The following DCDC2C variants were observed in gnomAD, a reference collection of about 807,000 sequenced individuals.
The protein encoded by DCDC2C is doublecortin domain-containing protein 2C.
DCDC2C carries 44 observed loss-of-function variants against 45.0 expected under a neutral mutation model. The observed-to-expected ratio is 0.98, with a 90% confidence interval of 0.77 to 1.26. The LOEUF (loss-of-function observed/expected upper bound fraction) is 1.26. DCDC2C is among the 50% of genes most tolerant of loss of function. The probability of loss-of-function intolerance (pLI) is 0.00; values close to 1 mark genes in which losing one functional copy is unlikely to be tolerated. For synonymous variants in DCDC2C, 187 were observed against 178.8 expected (o/e 1.05, Z -0.37); for missense variants, 447 against 468.9 (o/e 0.95, Z 0.43).
At chr2:3,723,118 G>A (rs1668541951) in intron 2 of DCDC2C, among the ~76,000 whole-genome samples, 1 of 152,132 alleles carries the variant, frequency 6.6e-6, no homozygotes, top group Non-Finnish European at 1.5e-5. Flanking sequence ...CCTAGTCATG[G>A]TAGCATTCAC....
chr2:3,835,330 G>A (rs1672048619), intron 10 of DCDC2C, among the ~76,000 whole-genome samples: 1 of 152,204 alleles, frequency 6.6e-6, no homozygotes, highest in Non-Finnish European at 1.5e-5. Context: ...TTGCTAAGGA[G>A]ATTTGAGGTG....
chr2:3,825,438 A>C (rs1671790467), intron 10 of DCDC2C, among the ~76,000 whole-genome samples: 1 of 152,120 alleles, frequency 6.6e-6, no homozygotes, highest in Non-Finnish European at 1.5e-5. Context: ...TGGGTTCAAG[A>C]GGGTTATAAT....
chr2:3,811,879 T>C (rs1302910026), intron 10 of DCDC2C, among the ~76,000 whole-genome samples: 1 of 152,226 alleles, frequency 6.6e-6, no homozygotes, highest in Non-Finnish European at 1.5e-5. Flanking sequence ...CGATGGATTA[T>C]GTTTATCCAT....
chr2:3,846,428 T>A (rs1231910262), intron 10 of DCDC2C, among the ~76,000 whole-genome samples: 4 of 152,084 alleles, frequency 2.6e-5, no homozygotes. Context: ...CTACTTTTCT[T>A]TTTTTTGGAG....
intron 3 of DCDC2C, among the ~76,000 whole-genome samples, chr2:3,740,531 A>T (rs925112911): frequency 6.6e-6 from 1 of 152,230 alleles, no homozygotes; most frequent in Non-Finnish European, 1.5e-5. Flanking sequence ...TTAAACATTG[A>T]TTACTTTTAT....
chr2:3,834,933 T>C (rs1339939756), intron 10 of DCDC2C, among the ~76,000 whole-genome samples: 1 of 152,202 alleles, frequency 6.6e-6, no homozygotes, highest in African/African-American at 2.4e-5. Flanking sequence ...ATGTGAGGAT[T>C]GCTGTTGAAA....
At chr2:3,847,060 AG>A (rs2148251390) in intron 10 of DCDC2C, 93 bp from the exon 11 acceptor site, 1 of 828,142 alleles carries the variant, frequency 1.2e-6, no homozygotes, top group East Asian at 3.4e-5. Context: ...AGAATCCAAC[AG>A]AAATGCAAGC....
chr2:3,725,136 T>A (rs1668605146), intron 2 of DCDC2C, among the ~76,000 whole-genome samples: 1 of 152,096 alleles, frequency 6.6e-6, no homozygotes, highest in South Asian at 2.1e-4. Flanking sequence ...TGCTGGGAGT[T>A]TCCTGGGTGG....
chr2:3,767,728 C>T (rs1264492670), intron 6 of DCDC2C, 26 bp from the exon 7 acceptor site: 5 of 1,549,644 alleles, frequency 3.2e-6, no homozygotes, highest in Admixed American at 2.0e-5. Flanking sequence ...TCTTAATGGA[C>T]TTTCTCTTCT....
chr2:3,741,578 G>C (rs574756333), intron 3 of DCDC2C, among the ~76,000 whole-genome samples: 2 of 152,146 alleles, frequency 1.3e-5, no homozygotes, highest in African/African-American at 2.4e-5. Flanking sequence ...TGCTCTGTGA[G>C]GGGGACAAGA....
chr2:3,713,714 T>C (rs564248741), intron 2 of DCDC2C, among the ~76,000 whole-genome samples: 1 of 152,330 alleles, frequency 6.6e-6, no homozygotes, highest in South Asian at 2.1e-4. Flanking sequence ...GGCTAAATGA[T>C]TCATGTTATG....
chr2:3,744,018 A>C (rs1055225810), intron 4 of DCDC2C, among the ~76,000 whole-genome samples: 1 of 152,200 alleles, frequency 6.6e-6, no homozygotes, highest in African/African-American at 2.4e-5. Flanking sequence ...AGGACTCTAA[A>C]AAGGGAGAAG....
chr2:3,717,006 T>G (rs1198552390), intron 2 of DCDC2C, among the ~76,000 whole-genome samples: 1 of 152,188 alleles, frequency 6.6e-6, no homozygotes, highest in Non-Finnish European at 1.5e-5. Context: ...GTCCTCTTTC[T>G]CAGGAAAGAA....
chr2:3,809,971 A>G (rs1048166250), intron 10 of DCDC2C, among the ~76,000 whole-genome samples: 3 of 152,036 alleles, frequency 2.0e-5, no homozygotes, highest in African/African-American at 7.3e-5. Context: ...TATGTACCAC[A>G]TTTTCTTTAT....
rs199888463 is a variant in DCDC2C at position 3,811,004 on chromosome 2, CA to C, written c.1065+25905del. 7.8e-3 allele frequency among the ~76,000 whole-genome samples: 1,182 copies of C among 152,276 alleles called. 14 individuals are homozygous for C. Among genetic ancestry groups the C allele is most frequent in the African/African-American group, 0.027 (1,135 of 41,556 alleles). On this transcript the variant is annotated intron_variant, in intron 10 of 10. Coordinates refer to ENST00000399143, the MANE Select transcript of DCDC2C (RefSeq NM_001287444.2). ...GTAGCCTTGTAGTATAGTTTGAAGT[CA>C]GGTAGTGTGATGCCTCCAGCTTTGT...
chr2:3,778,875 G>A lies in DCDC2C; in HGVS notation c.1014G>A (p.Glu338=). ...EEIHENTPDF[E]GNKDKEDARL... is the part of the protein sequence containing the mutation. ...TACATGAGAACACCCCTGATTTTGAGGGCAACAAGGTGAGTTCATTTTATT... is the reference window on the plus strand; with the variant it reads ...TACATGAGAACACCCCTGATTTTGAAGGCAACAAGGTGAGTTCATTTTATT... The change falls in exon 9 of 11, where the codon GAG becomes GAA. Residue 338 remains glutamate (E), a synonymous_variant. Coordinates refer to ENST00000399143, the MANE Select transcript of DCDC2C (RefSeq NM_001287444.2). 1 of 1,550,960 alleles carries A rather than the reference G, an allele frequency of 6.4e-7. No individual in the cohort carries two copies. The highest frequency in any genetic ancestry group is 8.7e-7 in the Non-Finnish European group (1 of 1,147,066).
chr2:3,727,603 G>A (rs1420077631), intron 3 of DCDC2C, among the ~76,000 whole-genome samples: 1 of 152,236 alleles, frequency 6.6e-6, no homozygotes, highest in African/African-American at 2.4e-5. Context: ...CGCTGCCCTG[G>A]GATGCCGCTG....
chr2:3,758,691 A>G (rs997529196), intron 6 of DCDC2C, among the ~76,000 whole-genome samples: 4 of 152,056 alleles, frequency 2.6e-5, no homozygotes, highest in African/African-American at 4.8e-5. Context: ...TGATTTCTCT[A>G]AGTCCGGTGG....
chr2:3,823,208 T>G (rs536454223), intron 10 of DCDC2C, among the ~76,000 whole-genome samples: 1 of 152,332 alleles, frequency 6.6e-6, no homozygotes, highest in Non-Finnish European at 1.5e-5. Context: ...ATTTTCTAAT[T>G]TTTCTGTGGT....
Sources: allele counts gnomAD v4.1 joint callset (sites outside exome capture counted in the v4.1 genomes callset), GRCh38; gene constraint gnomAD v4.1.1; transcripts MANE v1.5; gene names NCBI Gene and HGNC (gene_info 2026-07-23, HGNC 2026-07-21).